The following ARID1B variants were observed in gnomAD, a reference collection of about 807,000 sequenced individuals.
ARID1B encodes the protein AT-rich interaction domain 1B.
In ARID1B, 30 loss-of-function variants were observed where a neutral mutation model predicts 212.3. That is an observed-to-expected ratio of 0.14 (90% CI 0.11 to 0.19). The LOEUF is 0.19. Among genes scored for constraint, ARID1B ranks in the 10% least tolerant of loss-of-function variants. The pLI is 1.00. For missense variants in ARID1B, 2,891 were observed against 3,204.0 expected, an observed-to-expected ratio of 0.90 and a Z score of 2.36; for synonymous variants, 1,402 against 1,301.7, an observed-to-expected ratio of 1.08 and a Z score of -1.66.
chr6:156,981,898 G>A (rs1364530476), intron 4 of ARID1B, among the ~76,000 whole-genome samples: 1 of 152,074 alleles, frequency 6.6e-6, no homozygotes, highest in Non-Finnish European at 1.5e-5. Flanking sequence ...ATACCTGCCA[G>A]AGAAGTTTTT....
chr6:156,874,756 C>G (rs1045675989), intron 2 of ARID1B, among the ~76,000 whole-genome samples: 2 of 152,218 alleles, frequency 1.3e-5, no homozygotes, highest in African/African-American at 4.8e-5. Flanking sequence ...GTATCTCTGT[C>G]TGGTACAACC....
chr6:157,184,725 G>A (rs1792846320), intron 13 of ARID1B: 1 of 459,894 alleles, frequency 2.2e-6, no homozygotes. Context: ...TACGTTTATT[G>A]CTTATACAAG....
At position 156,778,246 on chromosome 6, in the gene ARID1B, T is replaced by G; in HGVS notation, c.566T>G (p.Leu189Arg). Reference sequence around the variant, plus strand: ...CACCACCTCCACCACCACCACGCACTACAGCAGCAGCTAAACCAGTTCCAG... The same window carrying G: ...CACCACCTCCACCACCACCACGCACGACAGCAGCAGCTAAACCAGTTCCAG... Reference protein sequence around the residue: ...HAHHLHHHHALQQQLNQFQQQ... With the variant: ...HAHHLHHHHARQQQLNQFQQQ... Residue 189 changes from leucine (L) to arginine (R), a missense_variant, in exon 1 of 20, where the codon CTA becomes CGA. Transcript: ENST00000636930. 1.3e-6 allele frequency: 2 copies of G among 1,538,916 alleles called. No homozygotes were observed. The highest frequency in any genetic ancestry group is 1.7e-6 in the Non-Finnish European group (2 of 1,145,082).
chr6:157,129,605 A>T (rs1788391539), intron 6 of ARID1B, among the ~76,000 whole-genome samples: 1 of 152,216 alleles, frequency 6.6e-6, no homozygotes, highest in African/African-American at 2.4e-5. Flanking sequence ...TTTGTCCCTA[A>T]GGTATGGGAA....
At chr6:156,794,868 C>A (rs1223484648) in intron 1 of ARID1B, among the ~76,000 whole-genome samples, 1 of 152,144 alleles carries the variant, frequency 6.6e-6, no homozygotes, top group African/African-American at 2.4e-5. Context: ...GCGTGAAGCC[C>A]TTCTGCACCT....
intron 4 of ARID1B, among the ~76,000 whole-genome samples, chr6:157,031,040 C>T (rs1780988297): frequency 6.6e-6 from 1 of 150,864 alleles, no homozygotes; most frequent in Admixed American, 6.6e-5. Context: ...AAGAGGAATG[C>T]TGGCAGTGGC....
At chr6:157,118,771 G>A (rs1787507381) in intron 6 of ARID1B, among the ~76,000 whole-genome samples, 1 of 152,098 alleles carries the variant, frequency 6.6e-6, no homozygotes. Context: ...CCCAAAGCTG[G>A]GAAAACAAAT....
chr6:157,207,146 A>G lies in ARID1B; in HGVS notation c.6374A>G (p.Asp2125Gly), dbSNP rs574079611. ...PQTYEKEEDEDKGVACSKDEW... is the reference protein window; with the variant it reads ...PQTYEKEEDEGKGVACSKDEW... ...ACCTATGAGAAAGAGGAGGATGAGG[A>G]CAAGGGGGTGGCCTGCAGCAAAGAT... The change falls in exon 20 of 20, where the codon GAC becomes GGC. Residue 2125 changes from aspartate to glycine, a missense_variant. Physicochemically the swap from Asp to Gly is moderately conservative, Grantham distance 94 (BLOSUM62 -1). Around this residue, in one of 7 missense-constraint regions of ARID1B, gnomAD observed 41 missense variants for 40.4 expected, o/e 1.01. Coordinates refer to ENST00000636930, the MANE Select transcript of ARID1B (RefSeq NM_001374828.1). This position sits in a 1 kb window ranked among gnomAD's most constrained non-coding sequence, Gnocchi z 8.5. 7 of 1,614,228 alleles carry G rather than the reference A, an allele frequency of 4.3e-6. No homozygotes were observed. The highest frequency in any genetic ancestry group is 1.6e-4 in the Middle Eastern group (1 of 6,062).
intron 1 of ARID1B, among the ~76,000 whole-genome samples, chr6:156,815,370 C>A (rs1781892136): frequency 6.6e-6 from 1 of 152,176 alleles, no homozygotes; most frequent in Admixed American, 6.5e-5. Flanking sequence ...ATTCACTTAG[C>A]AGAAGGGTAT....
chr6:157,039,859 TCTCTC>T (rs1401291795), intron 4 of ARID1B, among the ~76,000 whole-genome samples: 3 of 120,864 alleles, frequency 2.5e-5, no homozygotes, highest in Non-Finnish European at 3.6e-5. Flanking sequence ...TCTCTCTCTT[TCTCTC>T]TCTTTCTCTT....
chr6:157,133,599 C>G (rs1054948391), intron 7 of ARID1B, among the ~76,000 whole-genome samples: 2 of 152,182 alleles, frequency 1.3e-5, no homozygotes, highest in Non-Finnish European at 2.9e-5. Context: ...TCTTAGTGAT[C>G]ACCGTCAAAA....
chr6:157,123,246 CCCACA>C (rs571037834), intron 6 of ARID1B, among the ~76,000 whole-genome samples: 5,154 of 125,324 alleles, frequency 0.041, 169 homozygotes, highest in Non-Finnish European at 0.059. Flanking sequence ...CCGCCCCCCC[CCCACA>C]CACACACAAG....
intron 4 of ARID1B, chr6:156,936,342 C>CAA (rs757988115): frequency 0.057 from 4,354 of 76,678 alleles, 262 homozygotes; most frequent in African/African-American, 0.15. Flanking sequence ...AACTTCATCT[C>CAA]AAAAAAAAAA....
At chr6:157,204,829 T>C (rs975507495) in intron 19 of ARID1B, 2 of 152,214 alleles carry the variant, frequency 1.3e-5, no homozygotes, top group African/African-American at 4.8e-5. Flanking sequence ...AACAACTCTC[T>C]ACTTTGAGTG....
chr6:156,785,145 T>C (rs2115098696), intron 1 of ARID1B, among the ~76,000 whole-genome samples: 1 of 152,354 alleles, frequency 6.6e-6, no homozygotes, highest in African/African-American at 2.4e-5. Context: ...AGAAGGCTAC[T>C]GAGTTTGACA....
chr6:156,948,686 T>A (rs1260772111), intron 4 of ARID1B, among the ~76,000 whole-genome samples: 2 of 152,236 alleles, frequency 1.3e-5, no homozygotes, highest in African/African-American at 4.8e-5. Flanking sequence ...TTGTGTCTAA[T>A]GTCTAAGATT....
At chr6:156,880,958 TGTAAA>T (rs71669097) in intron 2 of ARID1B, among the ~76,000 whole-genome samples, 34,510 of 152,006 alleles carry the variant, frequency 0.23, 3,968 homozygotes, top group Non-Finnish European at 0.25. Context: ...CTTTTGTGGC[TGTAAA>T]GTAGAGAAAA....
chr6:156,971,614 C>G (rs1360417297), intron 4 of ARID1B, among the ~76,000 whole-genome samples: 2 of 152,148 alleles, frequency 1.3e-5, no homozygotes, highest in African/African-American at 4.8e-5. Context: ...ATTCTCTGCC[C>G]AGAATCTCCT....
chr6:156,934,858 T>C (rs184650738), intron 3 of ARID1B, among the ~76,000 whole-genome samples: 389 of 142,494 alleles, frequency 2.7e-3, no homozygotes, highest in Middle Eastern at 7.6e-3. Context: ...GTCTTCTTCC[T>C]GCAAAACTCA....
Sources: allele counts gnomAD v4.1 joint callset (sites outside exome capture counted in the v4.1 genomes callset), GRCh38; gene constraint gnomAD v4.1.1; regional missense constraint gnomAD v4.1.1; non-coding constraint Gnocchi (gnomAD v3.1); transcripts MANE v1.5; gene names NCBI Gene and HGNC (gene_info 2026-07-23, HGNC 2026-07-21).